The following MED4 variants were observed in gnomAD, a reference collection of about 807,000 sequenced individuals.
MED4 encodes the protein mediator of RNA polymerase II transcription subunit 4.
MED4 carries 21 observed loss-of-function variants against 35.0 expected under a neutral mutation model. That is an observed-to-expected ratio of 0.60 (90% CI 0.43 to 0.86). The LOEUF is 0.86. Ranked by LOEUF, MED4 falls within the 40% of genes least tolerant of loss-of-function variation. The probability of loss-of-function intolerance (pLI) is 0.00; values close to 1 mark genes in which losing one functional copy is unlikely to be tolerated. For missense variants in MED4, 300 were observed against 319.4 expected, an observed-to-expected ratio of 0.94 and a Z score of 0.46; for synonymous variants, 138 against 114.0, an observed-to-expected ratio of 1.21 and a Z score of -1.34.
intron 6 of MED4, among the ~76,000 whole-genome samples, chr13:48,079,538 G>A (rs1405737647): frequency 1.3e-5 from 2 of 151,848 alleles, no homozygotes. Flanking sequence ...TCAGGAGTTC[G>A]AGACCAGCCT....
intron 3 of MED4, among the ~76,000 whole-genome samples, chr13:48,083,763 C>A (rs952974556): frequency 6.6e-6 from 1 of 152,166 alleles, no homozygotes; most frequent in Non-Finnish European, 1.5e-5. Flanking sequence ...CCTATTCTTG[C>A]AACTAGTTCA....
At chr13:48,082,763 C>T (rs1222720159) in intron 4 of MED4, among the ~76,000 whole-genome samples, 10 of 151,726 alleles carry the variant, frequency 6.6e-5, no homozygotes, top group Non-Finnish European at 1.2e-4. Flanking sequence ...GGAGGCGGAG[C>T]TTGCAGTGCG....
At chr13:48,080,993 G>C (rs1404457619) in intron 5 of MED4, among the ~76,000 whole-genome samples, 1 of 152,218 alleles carries the variant, frequency 6.6e-6, no homozygotes, top group East Asian at 1.9e-4. Context: ...ACCAACTGCA[G>C]CTTATCCATC....
At chr13:48,079,092 T>C (rs1003137287) in intron 6 of MED4, among the ~76,000 whole-genome samples, 1 of 152,106 alleles carries the variant, frequency 6.6e-6, no homozygotes. Flanking sequence ...CACAAACCTA[T>C]GAAAAACTTG....
At chr13:48,081,438 C>T (rs1950807380) in intron 5 of MED4, among the ~76,000 whole-genome samples, 1 of 152,192 alleles carries the variant, frequency 6.6e-6, no homozygotes, top group African/African-American at 2.4e-5. Context: ...GAAAGAAACA[C>T]AGTCCCTAGC....
chr13:48,090,392 G>GA lies in MED4; in HGVS notation c.151dup (p.Ser51PhefsTer35). The GA allele has an allele frequency of 6.3e-7, 1 of 1,590,120 alleles. No individual in the cohort carries two copies. The highest frequency in any genetic ancestry group is 8.5e-7 in the Non-Finnish European group (1 of 1,170,348). On this transcript the variant is annotated frameshift_variant, in exon 2 of 7. Transcript: ENST00000258648. LOFTEE classifies it high-confidence loss of function. Reference sequence around the variant, plus strand: ...AGCCTGTAACAACTTTTGGTTTCTTGAAATTGCCAGCATTTCTATAAGTTC... The same window carrying GA: ...AGCCTGTAACAACTTTTGGTTTCTTGAAAATTGCCAGCATTTCTATAAGTTC...
rs1346293169 is a variant in MED4, at chr13:48,076,987, C to A, written c.*152G>T. 12 of 603,658 alleles carry A rather than the reference C, an allele frequency of 2.0e-5. No homozygotes were observed. The highest frequency in any genetic ancestry group is 2.6e-5 in the Non-Finnish European group (10 of 384,102). The allele number at this position is 603,658 out of a possible 1,614,324, so 37.4% of individuals were successfully genotyped here. A position where few individuals can be genotyped will look rare whatever the true frequency, so the allele number is the denominator to read the frequency against. ...TGGTCTTTGGCTTTAAAAAGAAAGT[C>A]AAAAAATTTTGACTTTTAATGACTG... On this transcript the variant is annotated 3_prime_UTR_variant, in exon 7 of 7. Coordinates refer to ENST00000258648, the MANE Select transcript of MED4 (RefSeq NM_014166.4).
intron 2 of MED4, among the ~76,000 whole-genome samples, chr13:48,087,532 G>C (rs1379338122): frequency 6.6e-6 from 1 of 151,536 alleles, no homozygotes. Flanking sequence ...GCACAGTATT[G>C]TTTACAATGA....
chr13:48,088,604 G>A (rs1486237321), intron 2 of MED4, among the ~76,000 whole-genome samples: 2 of 152,142 alleles, frequency 1.3e-5, no homozygotes, highest in Non-Finnish European at 2.9e-5. Context: ...TACACAGGTT[G>A]AATTAATTTG....
chr13:48,090,210 G>C (rs1342798653), intron 2 of MED4, 142 bp downstream of exon 2: 1 of 629,640 alleles, frequency 1.6e-6, no homozygotes. Context: ...CAATATTAAA[G>C]TTTTAATTAA....
chr13:48,089,674 C>G (rs771545926), intron 2 of MED4, among the ~76,000 whole-genome samples: 6 of 152,124 alleles, frequency 3.9e-5, no homozygotes, highest in Non-Finnish European at 8.8e-5. Flanking sequence ...CGCTTCAGTC[C>G]AGCAGGTTGA....
intron 2 of MED4, among the ~76,000 whole-genome samples, chr13:48,087,002 C>T (rs1419150984): frequency 2.6e-5 from 4 of 151,332 alleles, no homozygotes; most frequent in Non-Finnish European, 5.9e-5. Flanking sequence ...GCCAAGATCA[C>T]GCCACTGCAC....
rs765513954 is a variant in MED4, at chr13:48,086,322, T to C, written c.323A>G (p.Gln108Arg). The C allele has an allele frequency of 5.6e-6, 9 of 1,613,934 alleles. No homozygotes were observed. Among genetic ancestry groups the C allele is most frequent in the Admixed American group, 1.7e-5 (1 of 60,024 alleles). ...KEVEKRDSDI[Q>R]QLQKQLKEAE... ...TTCCTTTAGCTGTTTTTGTAGCTGC[T>C]GAATATCACTGTCTCTCTTCTCTAC... The change falls in exon 3 of 7, where the codon CAG (glutamine) becomes CGG (arginine). Residue 108 changes from glutamine to arginine, a missense_variant. Gln to Arg is a conservative substitution (Grantham distance 43). Transcript: ENST00000258648.
At chr13:48,086,247 T>C in intron 3 of MED4, 35 bp downstream of exon 3, 1 of 1,594,134 alleles carries the variant, frequency 6.3e-7, no homozygotes, top group Admixed American at 1.8e-5. Context: ...AACAACATCC[T>C]TTTTAACCTT....
intron 1 of MED4, among the ~76,000 whole-genome samples, chr13:48,094,163 G>A (rs954951660): frequency 1.4e-4 from 21 of 152,162 alleles, no homozygotes; most frequent in African/African-American, 4.8e-4. Flanking sequence ...AGAAGCATGA[G>A]GCAATTAAAA....
In MED4 at chr13:48,075,753, A is replaced by G. The variant is rs958687578; in HGVS notation, c.*1386T>C. Among the ~76,000 whole-genome samples, 1 of 152,244 alleles carries G rather than the reference A, an allele frequency of 6.6e-6. No individual in the cohort carries two copies. On this transcript the variant is annotated 3_prime_UTR_variant, in exon 7 of 7. Coordinates refer to ENST00000258648, the MANE Select transcript of MED4 (RefSeq NM_014166.4). The stretch of plus-strand genomic sequence containing the variant: ...AGCCATTAAAGTAAATCTTTCAAGA[A>G]TGTATACACATGGATCAATATTCCT...
chr13:48,083,291 T>C (rs1593544347), intron 4 of MED4, 80 bp downstream of exon 4: 1 of 1,053,408 alleles, frequency 9.5e-7, no homozygotes, highest in Non-Finnish European at 1.4e-6. Flanking sequence ...CAAATGATTA[T>C]CAGTAATATC....
intron 6 of MED4, 40 bp downstream of exon 6, chr13:48,079,804 A>C: frequency 6.2e-7 from 1 of 1,605,588 alleles, no homozygotes; most frequent in Non-Finnish European, 8.5e-7. Flanking sequence ...TCTCTGGAAA[A>C]CCCTGATCTG....
rs756597202 is a variant in MED4 at position 48,090,436 on chromosome 13, A to G, written c.126-18T>C. The G allele has an allele frequency of 4.4e-6, 7 of 1,574,090 alleles. No individual in the cohort carries two copies. Among genetic ancestry groups the G allele is most frequent in the Non-Finnish European group, 6.0e-6 (7 of 1,160,192 alleles). On this transcript the variant is annotated intron_variant, in intron 1 of 6. Transcript: ENST00000258648. Reference sequence around the variant, plus strand: ...TAAGTTCCCTAAAAAAAAAAAACCAACAACAACAAAAACCCTTTCACAGCA... The same window carrying G: ...TAAGTTCCCTAAAAAAAAAAAACCAGCAACAACAAAAACCCTTTCACAGCA...
Sources: gnomAD v4.1 joint callset for allele counts (sites outside exome capture counted in the v4.1 genomes callset) on GRCh38, gnomAD v4.1.1 for gene constraint, MANE v1.5 for transcripts, NCBI Gene and HGNC (gene_info 2026-07-23, HGNC 2026-07-21) for gene names.